The following GNPTAB variants were observed in gnomAD, a reference collection of about 807,000 sequenced individuals.
The protein encoded by GNPTAB is N-acetylglucosamine-1-phosphotransferase subunits alpha/beta.
A neutral mutation model predicts 136.6 loss-of-function variants in GNPTAB; 92 were observed. The observed-to-expected ratio is 0.67, with a 90% CI of 0.57 to 0.80. GNPTAB has a LOEUF of 0.80. Among genes scored for constraint, GNPTAB ranks in the 30% least tolerant of loss-of-function variants. The probability of loss-of-function intolerance (pLI) is 0.00; values close to 1 mark genes in which losing one functional copy is unlikely to be tolerated. For synonymous variants in GNPTAB, 512 were observed against 535.1 expected, an observed-to-expected ratio of 0.96 and a Z score of 0.60; for missense variants, 1,343 against 1,501.8, an observed-to-expected ratio of 0.89 and a Z score of 1.75.
Position 101,770,413 on chromosome 12 carries a change from G to A in GNPTAB, c.1106C>T (p.Thr369Ile). 1 of 1,609,598 alleles carries A rather than the reference G, an allele frequency of 6.2e-7. No individual in the cohort carries two copies. Among genetic ancestry groups the A allele is most frequent in the Non-Finnish European group, 8.5e-7 (1 of 1,175,826 alleles). Residue 369 changes from threonine (T) to isoleucine (I), a missense_variant, in exon 9 of 21, where the codon ACA becomes ATA. Coordinates refer to ENST00000299314, the MANE Select transcript of GNPTAB (RefSeq NM_024312.5). ...TTTTAGAAAGTCCTGTACCTGGTGTGTTACTATTGTCACTCGAGGATTGTC... is the reference window on the plus strand; with the variant it reads ...TTTTAGAAAGTCCTGTACCTGGTGTATTACTATTGTCACTCGAGGATTGTC... The part of the protein sequence containing the change: ...NLDNPRVTIV[T>I]HQDVFRNLSH...
At position 101,764,818 on chromosome 12, in the gene GNPTAB, A is replaced by G. The variant is rs756585780; in HGVS notation, c.2099T>C (p.Ile700Thr). 6.2e-7 allele frequency: 1 copy of G among 1,614,178 alleles called. No homozygotes were observed. Among genetic ancestry groups the G allele is most frequent in the Admixed American group, 1.7e-5 (1 of 60,012 alleles). ...QEEVKIPLVN[I>T]SLLPKDAQLS... ...CTGGGCGTCTTTTGGAAGGAGTGAA[A>G]TATTTACCAGGGGAATTTTCACCTC... Residue 700 changes from isoleucine (I) to threonine (T), a missense_variant, in exon 13 of 21, where the codon ATT (isoleucine) becomes ACT (threonine). Coordinates refer to ENST00000299314, the MANE Select transcript of GNPTAB (RefSeq NM_024312.5).
chr12:101,817,424 C>T (rs747045814), intron 1 of GNPTAB, among the ~76,000 whole-genome samples: 4 of 151,836 alleles, frequency 2.6e-5, no homozygotes, highest in Non-Finnish European at 4.4e-5. Flanking sequence ...CGTGCTACCA[C>T]ACCTAGCTAA....
chr12:101,748,322 GTTTCA>G (rs1952766603), intron 20 of GNPTAB, among the ~76,000 whole-genome samples: 1 of 152,158 alleles, frequency 6.6e-6, no homozygotes, highest in South Asian at 2.1e-4. Context: ...CTTGGTGTAC[GTTTCA>G]TTTGAGTGAC....
At chr12:101,750,542 C>G (rs1403838937) in intron 19 of GNPTAB, among the ~76,000 whole-genome samples, 2 of 152,206 alleles carry the variant, frequency 1.3e-5, no homozygotes, top group Non-Finnish European at 2.9e-5. Context: ...AATCAAGGTC[C>G]TCTCAAATTA....
rs747570832 is a variant in GNPTAB, at chr12:101,830,599, C to A, written c.77G>T (p.Gly26Val). 1.9e-6 allele frequency: 3 copies of A among 1,613,008 alleles called. No individual in the cohort carries two copies. Among genetic ancestry groups the A allele is most frequent in the East Asian group, 4.5e-5 (2 of 44,858 alleles). Residue 26 changes from glycine to valine, a missense_variant, in exon 1 of 21, where the codon GGC becomes GTC. By Grantham distance (109) the Gly-to-Val change is moderately radical. Transcript: ENST00000299314. ...HRYGLYVCFLGVVVTIVSAFQ... is the reference protein window; with the variant it reads ...HRYGLYVCFLVVVVTIVSAFQ... ...GGCGGAGACGATGGTGACAACGACG[C>A]CCAAGAAGCACACGTAGAGCCCATA...
rs1429181351 is a variant in GNPTAB, at chr12:101,764,956, CTA to C, written c.1959_1960del (p.Pro655HisfsTer12). On this transcript the variant is annotated frameshift_variant, in exon 13 of 21. Transcript: ENST00000299314. LOFTEE classifies it high-confidence loss of function. ...CGCCTCTGGAAGAAGTGTTATGGGA[CTA>C]ACTAAATTTTCGTAACCCTTCTGGG... is the stretch of plus-strand genomic sequence containing the variant. 1.9e-6 allele frequency: 3 copies of C among 1,613,998 alleles called. No individual in the cohort carries two copies. In the Admixed American group the frequency reaches 5.0e-5, roughly 27 times the overall value.
At chr12:101,822,368 C>A (rs536432994) in intron 1 of GNPTAB, among the ~76,000 whole-genome samples, 2 of 152,110 alleles carry the variant, frequency 1.3e-5, no homozygotes, top group Non-Finnish European at 2.9e-5. Flanking sequence ...GAGCCGAGAT[C>A]GCGCCACTGC....
At chr12:101,776,438 A>G (rs1953263641) in intron 7 of GNPTAB, among the ~76,000 whole-genome samples, 1 of 152,278 alleles carries the variant, frequency 6.6e-6, no homozygotes, top group African/African-American at 2.4e-5. Flanking sequence ...ATTTCAAATT[A>G]GAAAGTCTCT....
chr12:101,812,987 T>TG (rs376699605), intron 1 of GNPTAB, among the ~76,000 whole-genome samples: 31,280 of 132,916 alleles, frequency 0.24, 3,367 homozygotes, highest in African/African-American at 0.31. Context: ...TTTGTGTGTG[T>TG]TTTTTTTTTT....
chr12:101,796,481 T>C (rs895558057), intron 2 of GNPTAB, 196 bp downstream of exon 2: 15 of 614,040 alleles, frequency 2.4e-5, no homozygotes, highest in African/African-American at 2.0e-4. Flanking sequence ...ATCTTCTCTG[T>C]ATCGTTCCAG....
intron 7 of GNPTAB, among the ~76,000 whole-genome samples, chr12:101,776,934 T>C (rs1175815451): frequency 6.6e-6 from 1 of 152,242 alleles, no homozygotes; most frequent in Non-Finnish European, 1.5e-5. Flanking sequence ...AGTTCAAGTC[T>C]TGAAGTCCAA....
intron 7 of GNPTAB, chr12:101,778,471 C>G (rs559560851): frequency 6.6e-6 from 1 of 152,284 alleles, no homozygotes; most frequent in African/African-American, 2.4e-5. Context: ...GAAAGTTAAT[C>G]TATGGTTTTA....
At chr12:101,823,302 G>A (rs1870910842) in intron 1 of GNPTAB, among the ~76,000 whole-genome samples, 1 of 151,990 alleles carries the variant, frequency 6.6e-6, no homozygotes, top group African/African-American at 2.4e-5. Context: ...TCTAGAGCTT[G>A]TTGGAGAGGC....
chr12:101,781,578 A>G (rs1332329017), intron 5 of GNPTAB, among the ~76,000 whole-genome samples: 3 of 152,146 alleles, frequency 2.0e-5, no homozygotes, highest in African/African-American at 7.2e-5. Context: ...CCAGCTACTC[A>G]GGAGGCTGAG....
In GNPTAB at chr12:101,766,250, C is replaced by CA; in HGVS notation, c.1452dup (p.Gly485TrpfsTer22). Reference sequence around the variant, plus strand: ...CAGGGCTGTCCAACTCCAATACTCCCAGTACCTCCACCTCCTGCAATATAG... The same window carrying CA: ...CAGGGCTGTCCAACTCCAATACTCCCAAGTACCTCCACCTCCTGCAATATAG... On this transcript the variant is annotated frameshift_variant, in exon 12 of 21. Coordinates refer to ENST00000299314, the MANE Select transcript of GNPTAB (RefSeq NM_024312.5). LOFTEE classifies it high-confidence loss of function. 6.2e-7 allele frequency: 1 copy of CA among 1,614,132 alleles called. No individual in the cohort carries two copies. The highest frequency in any genetic ancestry group is 8.5e-7 in the Non-Finnish European group (1 of 1,179,988).
chr12:101,817,914 C>T (rs1277029737), intron 1 of GNPTAB, among the ~76,000 whole-genome samples: 1 of 152,210 alleles, frequency 6.6e-6, no homozygotes, highest in Non-Finnish European at 1.5e-5. Context: ...ACATTACCTC[C>T]AGAGCAACTG....
chr12:101,808,491 G>A (rs530746817), intron 1 of GNPTAB, among the ~76,000 whole-genome samples: 47 of 151,904 alleles, frequency 3.1e-4, no homozygotes, highest in Admixed American at 3.0e-3. Context: ...ATAGTGAGTC[G>A]TGTTCACGCC....
At chr12:101,751,422 C>A (rs146338641) in intron 19 of GNPTAB, among the ~76,000 whole-genome samples, 253 of 152,264 alleles carry the variant, frequency 1.7e-3, no homozygotes, top group Middle Eastern at 3.4e-3. Context: ...AGGCCTGGTA[C>A]CACATGCCTT....
chr12:101,814,628 C>T (rs1870423239), intron 1 of GNPTAB, among the ~76,000 whole-genome samples: 1 of 151,850 alleles, frequency 6.6e-6, no homozygotes, highest in Admixed American at 6.6e-5. Context: ...ACCTGGGAGG[C>T]GGAGGTTCTA....
Sources: allele counts gnomAD v4.1 joint callset (sites outside exome capture counted in the v4.1 genomes callset), GRCh38; gene constraint gnomAD v4.1.1; transcripts MANE v1.5; gene names NCBI Gene and HGNC (gene_info 2026-07-23, HGNC 2026-07-21).